The following BDP1 variants were observed in gnomAD, a reference collection of about 807,000 sequenced individuals.
The protein encoded by BDP1 is transcription factor TFIIIB component B'' homolog.
In BDP1, 169 loss-of-function variants were observed where a neutral mutation model predicts 266.6. The observed-to-expected ratio is 0.63, with a 90% confidence interval of 0.56 to 0.72. The LOEUF (loss-of-function observed/expected upper bound fraction) is 0.72, where lower values mean the gene tolerates loss of function less well. Among genes scored for constraint, BDP1 ranks in the 30% least tolerant of loss-of-function variants. The probability of loss-of-function intolerance (pLI) is 0.00; values close to 1 mark genes in which losing one functional copy is unlikely to be tolerated. For synonymous variants in BDP1, 1,090 were observed against 1,022.4 expected (o/e 1.07, Z -1.26); for missense variants, 3,015 against 3,053.8 (o/e 0.99, Z 0.30).
intron 34 of BDP1, among the ~76,000 whole-genome samples, chr5:71,551,279 C>T (rs1303953979): frequency 2.0e-5 from 3 of 152,140 alleles, no homozygotes; most frequent in Non-Finnish European, 4.4e-5. Flanking sequence ...GTTTTTGTGT[C>T]CCTGGGTACT....
chr5:71,475,345 A>G (rs1290687290), intron 7 of BDP1, among the ~76,000 whole-genome samples: 1 of 151,346 alleles, frequency 6.6e-6, no homozygotes, highest in Non-Finnish European at 1.5e-5. Context: ...CCTTGACTCA[A>G]GTGATCCTCT....
chr5:71,470,324 T>C (rs1762161631), intron 6 of BDP1, 71 bp from the exon 7 acceptor site: 1 of 1,152,756 alleles, frequency 8.7e-7, no homozygotes, highest in Non-Finnish European at 1.3e-6. Context: ...TGTCAAATTC[T>C]GTAAGATTTC....
At chr5:71,554,187 T>A (rs543907424) in intron 35 of BDP1, among the ~76,000 whole-genome samples, 6 of 152,342 alleles carry the variant, frequency 3.9e-5, no homozygotes, top group African/African-American at 1.4e-4. Flanking sequence ...AAATGGCATA[T>A]CCCAGAACTG....
Position 71,562,412 on chromosome 5 carries a change from T to C in BDP1, c.7635T>C (p.Ser2545=). The C allele has an allele frequency of 1.2e-6, 2 of 1,613,984 alleles. No homozygotes were observed. Among genetic ancestry groups the C allele is most frequent in the Non-Finnish European group, 1.7e-6 (2 of 1,179,946 alleles). ...GATTAAGAAAGAAATTGAAAAGATC[T>C]AATCCATTCAATGAAAGCCAGGAAA... ...IPGLRKKLKR[S]NPFNESQEKN... is the part of the protein sequence containing the mutation. The change falls in exon 38 of 39, where the codon TCT becomes TCC. Residue 2545 remains serine, a synonymous_variant. Transcript: ENST00000358731.
At chr5:71,549,021 T>C (rs576734767) in intron 33 of BDP1, among the ~76,000 whole-genome samples, 5 of 152,220 alleles carry the variant, frequency 3.3e-5, no homozygotes, top group African/African-American at 4.8e-5. Context: ...GGTAGATCAC[T>C]TGAGGCCAGG....
chr5:71,545,067 G>A lies in BDP1; in HGVS notation c.6592G>A (p.Glu2198Lys), dbSNP rs773703951. The A allele has an allele frequency of 6.2e-7, 1 of 1,613,378 alleles. No individual in the cohort carries two copies. The highest frequency in any genetic ancestry group is 1.7e-5 in the Admixed American group (1 of 59,916). The change falls in exon 32 of 39, where the codon GAG becomes AAG. Residue 2198 changes from glutamate to lysine, a missense_variant. Physicochemically the swap from Glu to Lys is moderately conservative, Grantham distance 56 (BLOSUM62 1). This residue lies in a region of BDP1 where 629 missense variants were observed against 632.5 expected (regional missense o/e 0.99). Coordinates refer to ENST00000358731, the MANE Select transcript of BDP1 (RefSeq NM_018429.3). ...CGAAAATCAAGAAGAGAGCTCTCAG[G>A]AGGTTCACATGTTGTCAGTTGCTCC... ...RNENQEESSQ[E>K]VHMLSVAPVA...
At chr5:71,558,782 C>G (rs568418863) in intron 36 of BDP1, among the ~76,000 whole-genome samples, 1 of 151,246 alleles carries the variant, frequency 6.6e-6, no homozygotes, top group Non-Finnish European at 1.5e-5. Flanking sequence ...GCCGAGATTG[C>G]GCCATTGCAC....
In BDP1 at chr5:71,539,808, A is replaced by G. The variant is rs147657019; in HGVS notation, c.6022+159A>G. On this transcript the variant is annotated intron_variant, in intron 28 of 38. Coordinates refer to ENST00000358731, the MANE Select transcript of BDP1 (RefSeq NM_018429.3). ...ATATGTATGTATTGATCCATCCACT[A>G]TTTTACTACTGTTTAGGTGTAGTGA... Among the ~76,000 whole-genome samples the G allele has an allele frequency of 2.8e-3, 422 of 152,128 alleles. 3 individuals carry two copies. The highest frequency in any genetic ancestry group is 9.7e-3 in the African/African-American group (403 of 41,508).
At chr5:71,485,187 T>C (rs1350968208) in intron 8 of BDP1, among the ~76,000 whole-genome samples, 5 of 152,206 alleles carry the variant, frequency 3.3e-5, no homozygotes, top group African/African-American at 1.2e-4. Context: ...GTTGTATGCC[T>C]ATAGGCCCAG....
At chr5:71,532,216 G>A (rs1436185579) in intron 25 of BDP1, 92 bp from the exon 26 acceptor site, 2 of 1,052,020 alleles carry the variant, frequency 1.9e-6, no homozygotes, top group Non-Finnish European at 2.7e-6. Context: ...CTTCATTTTA[G>A]CGTTTCATCT....
At chr5:71,487,311 G>C (rs556886104) in intron 9 of BDP1, among the ~76,000 whole-genome samples, 42 of 151,974 alleles carry the variant, frequency 2.8e-4, no homozygotes, top group African/African-American at 9.9e-4. Flanking sequence ...GCACGATCTC[G>C]ACTCACTGCA....
At chr5:71,482,962 A>G (rs138863651) in intron 7 of BDP1, among the ~76,000 whole-genome samples, 2 of 152,360 alleles carry the variant, frequency 1.3e-5, no homozygotes, top group Non-Finnish European at 2.9e-5. Flanking sequence ...TGTATCATCT[A>G]AGAATACACA....
chr5:71,455,693 A>G lies in BDP1; in HGVS notation c.-185A>G, dbSNP rs1761120862. On this transcript the variant is annotated 5_prime_UTR_variant, in exon 1 of 39. Coordinates refer to ENST00000358731, the MANE Select transcript of BDP1 (RefSeq NM_018429.3). ...ATCGGTGTGTGGCAGGGTCATGAAA[A>G]AGCGGCGGCGGCGGGAGAGAGGAGG... 1 of 609,156 alleles carries G rather than the reference A, an allele frequency of 1.6e-6. No homozygotes were observed. The highest frequency in any genetic ancestry group is 2.9e-6 in the Non-Finnish European group (1 of 344,432). The allele number at this position is 609,156 out of a possible 1,614,324, so 37.7% of individuals were successfully genotyped here.
In BDP1 at chr5:71,523,933, A is replaced by T. The variant is rs746433789; in HGVS notation, c.5388-6A>T. On this transcript the variant is annotated splice_polypyrimidine_tract_variant and splice_region_variant and intron_variant, in intron 24 of 38. Transcript: ENST00000358731. ...GACCTTATTGTTGTTTTGATTAAATATCTAGCTGTCCACAACCGTTAAACG... is the reference window on the plus strand; with the variant it reads ...GACCTTATTGTTGTTTTGATTAAATTTCTAGCTGTCCACAACCGTTAAACG... 1.9e-6 allele frequency: 3 copies of T among 1,602,198 alleles called. No homozygotes were observed. The highest frequency in any genetic ancestry group is 2.2e-5 in the East Asian group (1 of 44,720).
At chr5:71,509,391 A>T in intron 16 of BDP1, 74 bp from the exon 17 acceptor site, 1 of 1,438,188 alleles carries the variant, frequency 7.0e-7, no homozygotes, top group Non-Finnish European at 9.2e-7. Flanking sequence ...TTCTGTAGTG[A>T]TTTCTCAAAC....
rs183373509 is a variant in BDP1 at position 71,539,215 on chromosome 5, G to T, written c.5929+137G>T. 5.8e-3 allele frequency: 3,525 copies of T among 612,670 alleles called. 23 individuals carry two copies. The highest frequency in any genetic ancestry group is 7.3e-3 in the Non-Finnish European group (2,581 of 354,820). The allele number at this position is 612,670 out of a possible 1,614,324, so 38.0% of individuals were successfully genotyped here. ...CAGCTATTGAATGTGTTGTCTCTGT[G>T]AGAAATGTGGATTCTTGGAATGTTA... On this transcript the variant is annotated intron_variant, in intron 27 of 38. Transcript: ENST00000358731.
intron 2 of BDP1, among the ~76,000 whole-genome samples, chr5:71,460,058 T>A (rs1372749961): frequency 6.6e-6 from 1 of 152,232 alleles, no homozygotes; most frequent in African/African-American, 2.4e-5. Context: ...GAAGATTAAA[T>A]GAGTCAATAC....
At chr5:71,479,971 GT>G (rs1762841660) in intron 7 of BDP1, among the ~76,000 whole-genome samples, 3 of 151,696 alleles carry the variant, frequency 2.0e-5, no homozygotes, top group African/African-American at 7.3e-5. Flanking sequence ...TTGAGACAGA[GT>G]CTCGCTATGT....
At chr5:71,500,282 A>G (rs540950229) in intron 13 of BDP1, among the ~76,000 whole-genome samples, 1 of 129,408 alleles carries the variant, frequency 7.7e-6, no homozygotes, top group Non-Finnish European at 1.7e-5. Flanking sequence ...TTTTTTCTTT[A>G]CCTTTTTTTC....
Sources: allele counts gnomAD v4.1 joint callset (sites outside exome capture counted in the v4.1 genomes callset), GRCh38; gene constraint gnomAD v4.1.1; regional missense constraint gnomAD v4.1.1; transcripts MANE v1.5; gene names NCBI Gene and HGNC (gene_info 2026-07-23, HGNC 2026-07-21).